The following ZNRF1 variants were observed in gnomAD, a reference collection of about 807,000 sequenced individuals.
ZNRF1 encodes the protein zinc and ring finger 1.
Under a neutral mutation model 18.4 loss-of-function variants are expected in ZNRF1, and 3 were observed. That is an observed-to-expected ratio of 0.16 (90% CI 0.07 to 0.42). The LOEUF is 0.42. Ranked by LOEUF, ZNRF1 falls within the 10% of genes least tolerant of loss-of-function variation. The probability of loss-of-function intolerance (pLI) is 0.99; values close to 1 mark genes in which losing one functional copy is unlikely to be tolerated. For missense variants in ZNRF1, 310 were observed against 329.8 expected (o/e 0.94, Z 0.47); for synonymous variants, 157 against 144.2 (o/e 1.09, Z -0.64).
chr16:75,068,281 T>C (rs532550966), intron 1 of ZNRF1, among the ~76,000 whole-genome samples: 1 of 151,906 alleles, frequency 6.6e-6, no homozygotes, highest in East Asian at 1.9e-4. Context: ...GGAGGATTGC[T>C]TAAGCCCTGG....
intron 1 of ZNRF1, among the ~76,000 whole-genome samples, chr16:75,066,913 A>G (rs149779850): frequency 1.3e-5 from 2 of 152,066 alleles, no homozygotes; most frequent in Middle Eastern, 3.2e-3. Flanking sequence ...ATAGCTTAAA[A>G]CAGTAATAAT....
intron 1 of ZNRF1, among the ~76,000 whole-genome samples, chr16:75,001,994 G>T (rs1232898218): frequency 6.6e-6 from 1 of 152,146 alleles, no homozygotes; most frequent in Admixed American, 6.6e-5. Context: ...ATGGGAGGCT[G>T]CTATTAATAT....
chr16:75,004,154 A>T (rs1294203407), intron 1 of ZNRF1, among the ~76,000 whole-genome samples: 1 of 152,062 alleles, frequency 6.6e-6, no homozygotes, highest in Non-Finnish European at 1.5e-5. Flanking sequence ...ATGGGTGGAG[A>T]GAGGTTTACA....
intron 1 of ZNRF1, among the ~76,000 whole-genome samples, chr16:75,028,340 C>T (rs183953345): frequency 6.6e-6 from 1 of 152,334 alleles, no homozygotes; most frequent in East Asian, 1.9e-4. Flanking sequence ...GACGCCCAGG[C>T]TAGAGTGCAA....
intron 1 of ZNRF1, among the ~76,000 whole-genome samples, chr16:75,025,514 T>A (rs1426403926): frequency 6.6e-6 from 1 of 152,166 alleles, no homozygotes; most frequent in Non-Finnish European, 1.5e-5. Flanking sequence ...TTAGGGACCA[T>A]ATCTACCATT....
At chr16:75,005,128 G>A (rs948786723) in intron 1 of ZNRF1, among the ~76,000 whole-genome samples, 8 of 152,344 alleles carry the variant, frequency 5.3e-5, no homozygotes, top group Admixed American at 2.0e-4. Flanking sequence ...TCTGGAGAAG[G>A]AAAAGCATTC....
At chr16:75,091,136 A>G (rs1228336228) in intron 1 of ZNRF1, among the ~76,000 whole-genome samples, 2 of 152,220 alleles carry the variant, frequency 1.3e-5, no homozygotes, top group East Asian at 3.9e-4. Flanking sequence ...AGGCAGGTAG[A>G]TCATCTGAGG....
At chr16:75,081,812 T>C (rs1257236908) in intron 1 of ZNRF1, among the ~76,000 whole-genome samples, 1 of 152,170 alleles carries the variant, frequency 6.6e-6, no homozygotes, top group Non-Finnish European at 1.5e-5. Flanking sequence ...AGGAAGAGGA[T>C]CTCCTTTTTC....
At chr16:75,084,994 G>A (rs1477648492) in intron 1 of ZNRF1, among the ~76,000 whole-genome samples, 1 of 152,168 alleles carries the variant, frequency 6.6e-6, no homozygotes, top group African/African-American at 2.4e-5. Context: ...ATTAACTACA[G>A]TTAGTTAACT....
rs190878457 is a variant in ZNRF1, at chr16:75,057,419, A to C, written c.425-36153A>C. On this transcript the variant is annotated intron_variant, in intron 1 of 4. Coordinates refer to ENST00000335325, the MANE Select transcript of ZNRF1 (RefSeq NM_032268.5). ...GATAAAGAGGTGCCAGATTAAGAAA[A>C]GCTCCTTAAGAAGCAATTTATTCCT... Among the ~76,000 whole-genome samples, 79 of 152,250 alleles carry C rather than the reference A, an allele frequency of 5.2e-4. 1 individual carries two copies. The highest frequency in any genetic ancestry group is 1.8e-3 in the African/African-American group (75 of 41,546).
chr16:75,008,424 T>G (rs377050516), intron 1 of ZNRF1, among the ~76,000 whole-genome samples: 3 of 152,188 alleles, frequency 2.0e-5, no homozygotes, highest in East Asian at 1.9e-4. Flanking sequence ...CTGACTTTTC[T>G]TCTTTGGCTC....
chr16:75,033,780 A>G (rs984066748), intron 1 of ZNRF1, among the ~76,000 whole-genome samples: 1 of 152,056 alleles, frequency 6.6e-6, no homozygotes, highest in East Asian at 1.9e-4. Context: ...TAAAATATTT[A>G]CCTCTGAATG....
intron 1 of ZNRF1, among the ~76,000 whole-genome samples, chr16:75,050,665 G>C (rs1338186166): frequency 6.6e-6 from 1 of 151,184 alleles, no homozygotes; most frequent in South Asian, 2.1e-4. Context: ...TCAGGAGATC[G>C]AGACCATCCT....
In ZNRF1 at chr16:75,008,962, A is replaced by T. The variant is rs1394232974; in HGVS notation, c.424+8867A>T. Among the ~76,000 whole-genome samples the T allele has an allele frequency of 2.0e-5, 3 of 152,206 alleles. No homozygotes were observed. The South Asian group carries it at 6.2e-4, about 31-fold the overall frequency. Reference sequence around the variant, plus strand: ...TACCAAGAAATTCCTCGTATGTCTCAGTATGAGGGGTCCTCTGTCCTCTCA... The same window carrying T: ...TACCAAGAAATTCCTCGTATGTCTCTGTATGAGGGGTCCTCTGTCCTCTCA... On this transcript the variant is annotated intron_variant, in intron 1 of 4. Transcript: ENST00000335325.
chr16:75,010,724 T>TTTTC, intron 1 of ZNRF1, among the ~76,000 whole-genome samples: 1 of 142,554 alleles, frequency 7.0e-6, no homozygotes, highest in Non-Finnish European at 1.5e-5. Context: ...TTTTTGTTTT[T>TTTTC]TTTTTTTTGA....
intron 1 of ZNRF1, among the ~76,000 whole-genome samples, chr16:75,050,901 A>AC (rs2035590847): frequency 1.5e-5 from 2 of 133,594 alleles, no homozygotes; most frequent in Admixed American, 7.7e-5. Flanking sequence ...AAAAAAAACA[A>AC]AAAACTTGTA....
At chr16:75,019,092 G>A (rs2035109952) in intron 1 of ZNRF1, among the ~76,000 whole-genome samples, 1 of 152,196 alleles carries the variant, frequency 6.6e-6, no homozygotes. Context: ...CTTGAACCCA[G>A]GAGGCGGAGG....
intron 1 of ZNRF1, among the ~76,000 whole-genome samples, chr16:75,022,266 TAAAAAA>T (rs2035160891): frequency 7.3e-6 from 1 of 137,164 alleles, no homozygotes; most frequent in Admixed American, 7.4e-5. Flanking sequence ...AAAATTTTTT[TAAAAAA>T]TAATTAATTG....
chr16:75,096,004 A>G (rs1361783077), intron 2 of ZNRF1, among the ~76,000 whole-genome samples: 1 of 151,052 alleles, frequency 6.6e-6, no homozygotes, highest in Admixed American at 6.6e-5. Flanking sequence ...TTCCCTTGTC[A>G]TGGAATTGAG....
Sources: gnomAD v4.1 joint callset for allele counts (sites outside exome capture counted in the v4.1 genomes callset) on GRCh38, gnomAD v4.1.1 for gene constraint, MANE v1.5 for transcripts, NCBI Gene and HGNC (gene_info 2026-07-23, HGNC 2026-07-21) for gene names.